Variants in HOOK1 observed in about 807,000 individuals in gnomAD.
HOOK1 encodes hook microtubule tethering protein 1, also known as protein Hook homolog 1.
A neutral mutation model predicts 112.8 loss-of-function variants in HOOK1; 60 were observed. The ratio of observed to expected loss-of-function variants is 0.53; its 90% CI spans 0.43 to 0.66. The LOEUF is 0.66. Among genes scored for constraint, HOOK1 ranks in the 30% least tolerant of loss-of-function variants. HOOK1 has a pLI of 0.00. For missense variants in HOOK1, 770 were observed against 856.0 expected, an observed-to-expected ratio of 0.90 and a Z score of 1.25; for synonymous variants, 294 against 283.8, an observed-to-expected ratio of 1.04 and a Z score of -0.36.
In HOOK1 at chr1:59,843,689, T is replaced by A. The variant is rs1280338293; in HGVS notation, c.788+91T>A. 43 of 986,798 alleles carry A rather than the reference T, an allele frequency of 4.4e-5. 1 individual carries two copies. The South Asian group carries it at 7.1e-4, about 16-fold the overall frequency. The allele number at this position is 986,798 out of a possible 1,614,324, so 61.1% of individuals were successfully genotyped here. A position where few individuals can be genotyped will look rare whatever the true frequency, so the allele number is the denominator to read the frequency against. The stretch of plus-strand genomic sequence containing the variant: ...GTATTAACAGCTAATTACTAAGCAT[T>A]GTTAAGCATCTTTAGGATACTGATT... On this transcript the variant is annotated intron_variant, in intron 9 of 21. Transcript: ENST00000371208.
chr1:59,826,083 A>G (rs1171979910), intron 2 of HOOK1, among the ~76,000 whole-genome samples: 1 of 152,190 alleles, frequency 6.6e-6, no homozygotes, highest in African/African-American at 2.4e-5. Context: ...AGTAACTAGT[A>G]GGTATTTCTT....
At chr1:59,820,858 G>A (rs1342178914) in intron 1 of HOOK1, among the ~76,000 whole-genome samples, 2 of 152,162 alleles carry the variant, frequency 1.3e-5, no homozygotes, top group Non-Finnish European at 2.9e-5. Flanking sequence ...TAGGAGCTTA[G>A]TAAAGTGTCT....
chr1:59,852,801 T>C (rs968342277), intron 12 of HOOK1, among the ~76,000 whole-genome samples: 1 of 151,824 alleles, frequency 6.6e-6, no homozygotes, highest in Non-Finnish European at 1.5e-5. Context: ...CCTCAGGATT[T>C]ATTTTGCTAC....
intron 12 of HOOK1, among the ~76,000 whole-genome samples, chr1:59,852,343 A>G (rs1287393811): frequency 6.6e-6 from 1 of 151,836 alleles, no homozygotes; most frequent in Non-Finnish European, 1.5e-5. Flanking sequence ...CTATTCAGCT[A>G]TTCTATGACT....
At chr1:59,868,647 A>G (rs968379230) in intron 20 of HOOK1, among the ~76,000 whole-genome samples, 12 of 152,232 alleles carry the variant, frequency 7.9e-5, no homozygotes, top group Non-Finnish European at 1.5e-4. Flanking sequence ...TTCTTTTAAA[A>G]TTATGCAAAT....
chr1:59,843,674 C>A, intron 9 of HOOK1, 76 bp downstream of exon 9: 2 of 1,109,996 alleles, frequency 1.8e-6, no homozygotes, highest in Non-Finnish European at 2.6e-6. Flanking sequence ...GTATTAACAG[C>A]TAATTACTAA....
At chr1:59,827,860 C>T (rs1407788402) in intron 2 of HOOK1, among the ~76,000 whole-genome samples, 1 of 151,794 alleles carries the variant, frequency 6.6e-6, no homozygotes, top group Non-Finnish European at 1.5e-5. Flanking sequence ...TACTTTTTCC[C>T]CTATTTTAGT....
At chr1:59,870,531 A>G (rs1381544777) in intron 20 of HOOK1, among the ~76,000 whole-genome samples, 2 of 152,214 alleles carry the variant, frequency 1.3e-5, no homozygotes. Context: ...ACTCAAGAAA[A>G]GTATGTCAGT....
chr1:59,819,712 T>C (rs955824139), intron 1 of HOOK1, among the ~76,000 whole-genome samples: 1 of 152,136 alleles, frequency 6.6e-6, no homozygotes, highest in Non-Finnish European at 1.5e-5. Context: ...AATCATGAAT[T>C]GTGTCAATTT....
At chr1:59,851,139 G>C (rs1574207420) in intron 12 of HOOK1, among the ~76,000 whole-genome samples, 1 of 151,478 alleles carries the variant, frequency 6.6e-6, no homozygotes, top group East Asian at 1.9e-4. Flanking sequence ...TCTTCTTCAA[G>C]GCTGTTTTTG....
intron 12 of HOOK1, among the ~76,000 whole-genome samples, chr1:59,854,034 ATATATTTTTTTTTTTTTTTTTTTTT>A (rs1429139568): frequency 1.1e-4 from 2 of 17,980 alleles, no homozygotes; most frequent in African/African-American, 7.0e-4. Context: ...ATATATATAT[ATATATTTTTTTTTTTTTTTTTTTTT>A]TTTTTTTTTT....
intron 1 of HOOK1, among the ~76,000 whole-genome samples, chr1:59,817,483 C>CT (rs921525666): frequency 1.1e-3 from 160 of 149,594 alleles, no homozygotes; most frequent in African/African-American, 3.2e-3. Flanking sequence ...AGTTTACTGT[C>CT]TTTTTTTTTT....
chr1:59,820,137 A>G (rs187065234), intron 1 of HOOK1, among the ~76,000 whole-genome samples: 5 of 152,298 alleles, frequency 3.3e-5, no homozygotes, highest in South Asian at 4.1e-4. Context: ...CATATTTAAG[A>G]ATCAGTTGGA....
chr1:59,871,012 ATTTTAATTG>A lies in HOOK1; in HGVS notation c.1948-27_1948-19del. The A allele has an allele frequency of 2.1e-6, 3 of 1,439,270 alleles. No homozygotes were observed. In the East Asian group the frequency reaches 6.8e-5, roughly 33 times the overall value. 89.2% of individuals were successfully genotyped at this position (1,439,270 alleles called of 1,614,324 possible). ...TTAGTAATTTGGGGTAATTTCTGGG[ATTTTAATTG>A]TTCTCATATCTTTTTTCCAGAGTGA... On this transcript the variant is annotated intron_variant, in intron 20 of 21. Coordinates refer to ENST00000371208, the MANE Select transcript of HOOK1 (RefSeq NM_015888.6).
intron 12 of HOOK1, among the ~76,000 whole-genome samples, chr1:59,850,663 G>A (rs932226826): frequency 6.6e-6 from 1 of 151,352 alleles, no homozygotes; most frequent in Non-Finnish European, 1.5e-5. Flanking sequence ...AAATCACTTG[G>A]CCATGATACT....
At chr1:59,848,647 ATTTC>A in intron 11 of HOOK1, 131 bp downstream of exon 11, 1 of 608,880 alleles carries the variant, frequency 1.6e-6, no homozygotes, top group South Asian at 2.6e-5. Flanking sequence ...ATTCTGATGA[ATTTC>A]TTTCTTTAAT....
At chr1:59,862,498 T>A (rs1559061283) in intron 15 of HOOK1, among the ~76,000 whole-genome samples, 1 of 152,172 alleles carries the variant, frequency 6.6e-6, no homozygotes, top group African/African-American at 2.4e-5. Context: ...CTGATTTTTC[T>A]ACCAGTGAGT....
At chr1:59,826,521 A>G (rs1322210736) in intron 2 of HOOK1, among the ~76,000 whole-genome samples, 2 of 152,164 alleles carry the variant, frequency 1.3e-5, no homozygotes, top group Non-Finnish European at 1.5e-5. Flanking sequence ...TTGAGATAGA[A>G]AGGAAGATGA....
At chr1:59,847,940 C>G (rs1458470829) in intron 10 of HOOK1, among the ~76,000 whole-genome samples, 2 of 151,676 alleles carry the variant, frequency 1.3e-5, no homozygotes, top group African/African-American at 4.8e-5. Flanking sequence ...TGGAAGGAAA[C>G]TATGCTGAAT....
Sources: gnomAD v4.1 joint callset for allele counts (sites outside exome capture counted in the v4.1 genomes callset) on GRCh38, gnomAD v4.1.1 for gene constraint, MANE v1.5 for transcripts, NCBI Gene and HGNC (gene_info 2026-07-23, HGNC 2026-07-21) for gene names.